The following GRID2 variants were observed in gnomAD, a reference collection of about 807,000 sequenced individuals.
GRID2 encodes the protein glutamate receptor ionotropic, delta-2.
Under a neutral mutation model 114.8 loss-of-function variants are expected in GRID2, and 33 were observed. The observed-to-expected ratio is 0.29, with a 90% CI of 0.22 to 0.38. The LOEUF (loss-of-function observed/expected upper bound fraction) is 0.38. GRID2 is among the 10% of genes least tolerant of loss of function. The pLI, the probability that GRID2 is intolerant of heterozygous loss-of-function variation, is 1.00. For missense variants in GRID2, 1,184 were observed against 1,257.7 expected, an observed-to-expected ratio of 0.94 and a Z score of 0.89; for synonymous variants, 505 against 449.9, an observed-to-expected ratio of 1.12 and a Z score of -1.55.
chr4:93,661,565 A>C (rs1192667220), intron 14 of GRID2, among the ~76,000 whole-genome samples: 2 of 152,234 alleles, frequency 1.3e-5, no homozygotes, highest in African/African-American at 4.8e-5. Flanking sequence ...TCCACAATAT[A>C]TATTAAATAA....
At chr4:92,927,314 T>G (rs1749885903) in intron 2 of GRID2, among the ~76,000 whole-genome samples, 1 of 151,866 alleles carries the variant, frequency 6.6e-6, no homozygotes, top group South Asian at 2.1e-4. Flanking sequence ...TTACTTGCTA[T>G]AATAGCTTAC....
At chr4:93,329,836 G>GCTGTC (rs551473891) in intron 8 of GRID2, among the ~76,000 whole-genome samples, 55 of 151,916 alleles carry the variant, frequency 3.6e-4, no homozygotes, top group Non-Finnish European at 6.3e-4. Context: ...ACAGGACACA[G>GCTGTC]CTGTGATAAT....
chr4:92,326,601 G>A (rs1258776115), intron 1 of GRID2, among the ~76,000 whole-genome samples: 1 of 151,792 alleles, frequency 6.6e-6, no homozygotes, highest in Non-Finnish European at 1.5e-5. Flanking sequence ...TGTTATTCAT[G>A]GTCACCTATA....
At chr4:93,105,637 G>A (rs1400715102) in intron 3 of GRID2, among the ~76,000 whole-genome samples, 1 of 152,022 alleles carries the variant, frequency 6.6e-6, no homozygotes, top group African/African-American at 2.4e-5. Context: ...CAATTTCCTT[G>A]CCTTTTCCAC....
intron 8 of GRID2, chr4:93,319,812 A>G (rs1757032090): frequency 6.6e-6 from 1 of 152,140 alleles, no homozygotes; most frequent in Non-Finnish European, 1.5e-5. Context: ...ACAACTGAAA[A>G]TAACAGAATT....
intron 8 of GRID2, among the ~76,000 whole-genome samples, chr4:93,298,700 TC>T (rs1246390281): frequency 1.3e-5 from 2 of 152,234 alleles, no homozygotes; most frequent in Non-Finnish European, 2.9e-5. Context: ...TGAGGAAGCC[TC>T]CCCTTACTGT....
chr4:93,328,159 C>T (rs1009711796), intron 8 of GRID2, among the ~76,000 whole-genome samples: 2 of 151,976 alleles, frequency 1.3e-5, no homozygotes, highest in African/African-American at 4.8e-5. Context: ...TGTCCTTTAG[C>T]AAGCAATATG....
At chr4:93,730,067 A>T (rs992716828) in intron 14 of GRID2, among the ~76,000 whole-genome samples, 3 of 152,196 alleles carry the variant, frequency 2.0e-5, no homozygotes, top group Non-Finnish European at 4.4e-5. Context: ...GAATACATAA[A>T]TAAGTTGCCT....
At chr4:93,760,474 T>C (rs1459107238) in intron 14 of GRID2, among the ~76,000 whole-genome samples, 3 of 152,230 alleles carry the variant, frequency 2.0e-5, no homozygotes, top group African/African-American at 7.2e-5. Flanking sequence ...AGGAAACTTC[T>C]CTTTTTAAAC....
chr4:92,915,040 T>C lies in GRID2; in HGVS notation c.245-169955T>C, dbSNP rs10026150. ...CATGGCTGAAGAGTCCCCATGAAAC[T>C]TACAATCATGGCCGAAGTTGAAGGG... On this transcript the variant is annotated intron_variant, in intron 2 of 15. Coordinates refer to ENST00000282020, the MANE Select transcript of GRID2 (RefSeq NM_001510.4). Among the ~76,000 whole-genome samples the C allele has an allele frequency of 3.6e-3, 548 of 152,258 alleles. 2 individuals carry two copies. The highest frequency in any genetic ancestry group is 6.5e-3 in the Non-Finnish European group (445 of 68,008).
At chr4:92,523,952 G>T (rs1041778209) in intron 1 of GRID2, among the ~76,000 whole-genome samples, 1 of 151,996 alleles carries the variant, frequency 6.6e-6, no homozygotes, top group Non-Finnish European at 1.5e-5. Context: ...ATAGGAAACA[G>T]GACAATTGGA....
At chr4:93,220,408 G>T (rs1744737573) in intron 6 of GRID2, among the ~76,000 whole-genome samples, 2 of 152,154 alleles carry the variant, frequency 1.3e-5, no homozygotes, top group South Asian at 4.1e-4. Flanking sequence ...GTTCCTAAAG[G>T]CAGAAGATAG....
intron 2 of GRID2, among the ~76,000 whole-genome samples, chr4:92,836,723 G>GAC (rs147244630): frequency 3.8e-4 from 58 of 151,784 alleles, no homozygotes; most frequent in South Asian, 3.7e-3. Flanking sequence ...CAGAATTAAA[G>GAC]ACACACACAC....
At chr4:93,365,231 T>A (rs1358757404) in intron 8 of GRID2, among the ~76,000 whole-genome samples, 1 of 152,158 alleles carries the variant, frequency 6.6e-6, no homozygotes, top group Non-Finnish European at 1.5e-5. Context: ...TTTTTGTGTT[T>A]GTTTATGTTT....
chr4:92,444,895 A>C (rs1025448058), intron 1 of GRID2, among the ~76,000 whole-genome samples: 1 of 152,184 alleles, frequency 6.6e-6, no homozygotes, highest in Non-Finnish European at 1.5e-5. Context: ...TTTTCTCAAA[A>C]AGTGAAGACT....
At chr4:92,875,255 C>T (rs572014522) in intron 2 of GRID2, among the ~76,000 whole-genome samples, 1 of 150,838 alleles carries the variant, frequency 6.6e-6, no homozygotes, top group South Asian at 2.1e-4. Flanking sequence ...CTCTGCCTCC[C>T]GGGTACACGC....
chr4:93,520,172 C>T (rs1382918579), intron 13 of GRID2, among the ~76,000 whole-genome samples: 1 of 152,122 alleles, frequency 6.6e-6, no homozygotes, highest in Non-Finnish European at 1.5e-5. Context: ...ACTCATTCAA[C>T]ACATATTCAG....
chr4:92,970,278 G>T (rs1010423085), intron 2 of GRID2, among the ~76,000 whole-genome samples: 1 of 151,854 alleles, frequency 6.6e-6, no homozygotes, highest in African/African-American at 2.4e-5. Context: ...CTTAATTGAA[G>T]TAAGTGGTCC....
At chr4:93,290,234 G>C (rs187964647) in intron 8 of GRID2, among the ~76,000 whole-genome samples, 1 of 152,112 alleles carries the variant, frequency 6.6e-6, no homozygotes, top group Non-Finnish European at 1.5e-5. Flanking sequence ...ACTAATGTTC[G>C]GTTTAGTAGG....
Sources: allele counts gnomAD v4.1 joint callset (sites outside exome capture counted in the v4.1 genomes callset), GRCh38; gene constraint gnomAD v4.1.1; transcripts MANE v1.5; gene names NCBI Gene and HGNC (gene_info 2026-07-23, HGNC 2026-07-21).